Variants in SIGLEC1 observed in about 807,000 individuals in gnomAD.
SIGLEC1 encodes the protein sialoadhesin.
Under a neutral mutation model 148.0 loss-of-function variants are expected in SIGLEC1, and 132 were observed. The ratio of observed to expected loss-of-function variants is 0.89; its 90% CI spans 0.77 to 1.03. SIGLEC1 has a LOEUF of 1.03. Ranked by LOEUF, SIGLEC1 falls within the 50% of genes least tolerant of loss-of-function variation. SIGLEC1 has a pLI of 0.00. For synonymous variants in SIGLEC1, 945 were observed against 969.0 expected, an observed-to-expected ratio of 0.98 and a Z score of 0.46; for missense variants, 2,253 against 2,271.4, an observed-to-expected ratio of 0.99 and a Z score of 0.16.
rs558364870 is a variant in SIGLEC1, at chr20:3,698,068, G to T, written c.1852C>A (p.Arg618=). 1.3e-5 allele frequency: 21 copies of T among 1,607,106 alleles called. No individual in the cohort carries two copies. The highest frequency in any genetic ancestry group is 1.8e-5 in the Non-Finnish European group (21 of 1,177,846). ...DLDAAGAGAG[R]RGLLLCRVDS... Reference sequence around the variant, plus strand: ...ACACGGCACAAAAGGAGGCCTCGCCGTCCAGCCCCGGCCCCAGCGGCATCA... The same window carrying T: ...ACACGGCACAAAAGGAGGCCTCGCCTTCCAGCCCCGGCCCCAGCGGCATCA... The change falls in exon 9 of 22, where the codon CGG becomes AGG. Residue 618 remains arginine, a synonymous_variant. Coordinates refer to ENST00000344754, the MANE Select transcript of SIGLEC1 (RefSeq NM_023068.4).
At chr20:3,693,732 G>A in intron 13 of SIGLEC1, 34 bp from the exon 14 acceptor site, 1 of 1,541,746 alleles carries the variant, frequency 6.5e-7, no homozygotes, top group Non-Finnish European at 8.8e-7. Context: ...CACCAGTGAG[G>A]GTCTTGAGGC....
At position 3,693,576 on chromosome 20, in the gene SIGLEC1, G is replaced by A. The variant is rs1158087699; in HGVS notation, c.3379C>T (p.Gln1127Ter). Residue 1127 changes from glutamine (Q) to a stop codon, truncating the protein, a stop_gained, in exon 14 of 22, where the codon CAG becomes TAG. Coordinates refer to ENST00000344754, the MANE Select transcript of SIGLEC1 (RefSeq NM_023068.4). LOFTEE classifies it high-confidence loss of function. ...GGGATGGAGTGGGCATCCAGGCGCTGCTGCCCATCCTGGTACCATGTGTAG... is the reference window on the plus strand; with the variant it reads ...GGGATGGAGTGGGCATCCAGGCGCTACTGCCCATCCTGGTACCATGTGTAG... ...LTYTWYQDGQ[Q>*]RLDAHSIPLP... 3.7e-6 allele frequency: 6 copies of A among 1,612,712 alleles called. No individual in the cohort carries two copies. The highest frequency in any genetic ancestry group is 5.1e-6 in the Non-Finnish European group (6 of 1,179,590).
Position 3,710,803 on chromosome 20 carries a change from C to T in SIGLEC1, c.-110+1667G>A, listed in dbSNP as rs1252903496. Reference sequence around the variant, plus strand: ...GGGGAGGACCCTTTCCAGGACCACTCCCATCACATAATGTAGAGGCCACCT... The same window carrying T: ...GGGGAGGACCCTTTCCAGGACCACTTCCATCACATAATGTAGAGGCCACCT... On this transcript the variant is annotated intron_variant, in intron 1 of 21. Transcript: ENST00000344754. This position sits in a 1 kb window ranked among gnomAD's most constrained non-coding sequence, Gnocchi z 4.6. Among the ~76,000 whole-genome samples the T allele has an allele frequency of 6.6e-6, 1 of 152,242 alleles. No individual in the cohort carries two copies. The highest frequency in any genetic ancestry group is 1.5e-5 in the Non-Finnish European group (1 of 68,056).
chr20:3,697,046 AC>A (rs1254305185), intron 10 of SIGLEC1, 38 bp downstream of exon 10: 1 of 1,403,982 alleles, frequency 7.1e-7, no homozygotes, highest in East Asian at 2.7e-5. Context: ...CCACCCCTCC[AC>A]CCTCCAAGTC....
In SIGLEC1 at chr20:3,711,101, C is replaced by T. The variant is rs925933618; in HGVS notation, c.-110+1369G>A. On this transcript the variant is annotated intron_variant, in intron 1 of 21. Coordinates refer to ENST00000344754, the MANE Select transcript of SIGLEC1 (RefSeq NM_023068.4). ...GTGGTCGAGGGGGAATTGCGGGTCC[C>T]GGGAAAGGGGGCGGTGTGCCAGCAA... 5.3e-5 allele frequency among the ~76,000 whole-genome samples: 8 copies of T among 152,284 alleles called. No homozygotes were observed. In the South Asian group the frequency reaches 6.2e-4, roughly 12 times the overall value.
chr20:3,690,310 A>T (rs2088745700), intron 18 of SIGLEC1, 46 bp from the exon 19 acceptor site: 4 of 1,466,062 alleles, frequency 2.7e-6, no homozygotes, highest in African/African-American at 2.8e-5. Flanking sequence ...ATGACCACAA[A>T]TTTCTCCCTC....
chr20:3,688,426 A>G lies in SIGLEC1; in HGVS notation c.*134T>C. On this transcript the variant is annotated 3_prime_UTR_variant, in exon 22 of 22. Transcript: ENST00000344754. ...GGGGCAAGAGGCTTGGGGCCAGGTC[A>G]TAAAAAGTCAGATGTCACAGAGCTG... The G allele has an allele frequency of 2.5e-6, 2 of 806,506 alleles. No homozygotes were observed. Among genetic ancestry groups the G allele is most frequent in the Non-Finnish European group, 4.2e-6 (2 of 478,038 alleles). 50.0% of individuals were successfully genotyped at this position (806,506 alleles called of 1,614,324 possible).
chr20:3,708,304 T>C (rs1054056892), intron 1 of SIGLEC1, among the ~76,000 whole-genome samples: 11 of 152,104 alleles, frequency 7.2e-5, no homozygotes, highest in Admixed American at 5.2e-4. Context: ...AGGGGTACCA[T>C]AGACCTGAGC....
rs765133286 is a variant in SIGLEC1 at position 3,694,774 on chromosome 20, G to T, written c.2833C>A (p.Leu945Ile). The T allele has an allele frequency of 6.2e-7, 1 of 1,613,558 alleles. No individual in the cohort carries two copies. Among genetic ancestry groups the T allele is most frequent in the Non-Finnish European group, 8.5e-7 (1 of 1,180,048 alleles). ...QPLQESTSAT[L>I]RFAAITLTQA... ...GTCAAAGTTATGGCTGCAAAGCGGA[G>T]CGTGGCCGAGGTCGACTCCTGGAGG... The change falls in exon 12 of 22, where the codon CTC becomes ATC. Residue 945 changes from leucine to isoleucine, a missense_variant. Leu to Ile is a conservative substitution (Grantham distance 5). Transcript: ENST00000344754.
At chr20:3,700,635 G>C (rs566627375) in intron 7 of SIGLEC1, among the ~76,000 whole-genome samples, 1 of 151,794 alleles carries the variant, frequency 6.6e-6, no homozygotes, top group Non-Finnish European at 1.5e-5. Context: ...ATGCCCTCAG[G>C]AGGAGGGAAG....
chr20:3,707,168 T>G lies in SIGLEC1; in HGVS notation c.-40A>C. ...CTGCTCCTGTTGCCTAAGAGGGTGG[T>G]GCGCACTGCGCTGGCTGGGCTCACA... On this transcript the variant is annotated 5_prime_UTR_variant, in exon 2 of 22. Coordinates refer to ENST00000344754, the MANE Select transcript of SIGLEC1 (RefSeq NM_023068.4). 6.2e-7 allele frequency: 1 copy of G among 1,601,690 alleles called. No individual in the cohort carries two copies. The highest frequency in any genetic ancestry group is 8.6e-7 in the Non-Finnish European group (1 of 1,169,330).
At position 3,690,081 on chromosome 20, in the gene SIGLEC1, G is replaced by A. The variant is rs750749568; in HGVS notation, c.4775C>T (p.Ser1592Phe). The A allele has an allele frequency of 1.9e-5, 30 of 1,611,646 alleles. No homozygotes were observed. In the African/African-American group the frequency reaches 2.7e-4, roughly 14 times the overall value. ...GATGTCCACCCTCAGGGCATTGGGGGAAGCCAGGACATGGATGTGTGGCTC... is the reference window on the plus strand; with the variant it reads ...GATGTCCACCCTCAGGGCATTGGGGAAAGCCAGGACATGGATGTGTGGCTC... ...PAEPHIHVLA[S>F]PNALRVDIEA... is the part of the protein sequence containing the mutation. Residue 1592 changes from serine (S) to phenylalanine (F), a missense_variant, in exon 19 of 22, where the codon TCC (serine) becomes TTC (phenylalanine). Physicochemically the swap from Ser to Phe is radical, Grantham distance 155 (BLOSUM62 -2). Transcript: ENST00000344754.
At chr20:3,700,934 C>T (rs546990174) in intron 7 of SIGLEC1, among the ~76,000 whole-genome samples, 77 of 151,850 alleles carry the variant, frequency 5.1e-4, no homozygotes, top group Middle Eastern at 3.4e-3. Flanking sequence ...CTCTTGACCT[C>T]GTGATCCACC....
chr20:3,708,014 A>C (rs1386470190), intron 1 of SIGLEC1, among the ~76,000 whole-genome samples: 1 of 152,224 alleles, frequency 6.6e-6, no homozygotes, highest in East Asian at 1.9e-4. Flanking sequence ...CCCATTTCTC[A>C]GGACCTAGAA....
At position 3,692,592 on chromosome 20, in the gene SIGLEC1, C is replaced by T. The variant is rs775090447; in HGVS notation, c.3959G>A (p.Gly1320Asp). 1.3e-5 allele frequency: 21 copies of T among 1,612,160 alleles called. No homozygotes were observed. Among genetic ancestry groups the T allele is most frequent in the Non-Finnish European group, 1.6e-5 (19 of 1,179,974 alleles). Residue 1320 changes from glycine to aspartate, a missense_variant, in exon 16 of 22, where the codon GGC (glycine) becomes GAC (aspartate). Physicochemically the swap from Gly to Asp is moderately conservative, Grantham distance 94. Transcript: ENST00000344754. ...SFLVATRAHA[G>D]AYSCQAQDAQ... ...ATCCTGGGCCTGGCAAGAGTAGGCG[C>T]CTGCATGAGCCCGCGTGGCCACCAG...
In SIGLEC1 at chr20:3,688,430, A is replaced by G; in HGVS notation, c.*130T>C. ...CAAGAGGCTTGGGGCCAGGTCATAAAAAGTCAGATGTCACAGAGCTGTTTT... is the reference window on the plus strand; with the variant it reads ...CAAGAGGCTTGGGGCCAGGTCATAAGAAGTCAGATGTCACAGAGCTGTTTT... On this transcript the variant is annotated 3_prime_UTR_variant, in exon 22 of 22. Transcript: ENST00000344754. 1.2e-6 allele frequency: 1 copy of G among 828,586 alleles called. No individual in the cohort carries two copies. Among genetic ancestry groups the G allele is most frequent in the Non-Finnish European group, 2.0e-6 (1 of 496,708 alleles). 51.3% of individuals were successfully genotyped at this position (828,586 alleles called of 1,614,324 possible). A position where few individuals can be genotyped will look rare whatever the true frequency, so the allele number is the denominator to read the frequency against.
chr20:3,691,050 T>G (rs765700303), intron 18 of SIGLEC1, among the ~76,000 whole-genome samples: 2 of 152,088 alleles, frequency 1.3e-5, no homozygotes, highest in Non-Finnish European at 2.9e-5. Context: ...AGGCTAGTCT[T>G]GAACTCCTGA....
chr20:3,689,771 C>T (rs2088737112), intron 19 of SIGLEC1, 69 bp from the exon 20 acceptor site: 1 of 1,400,480 alleles, frequency 7.1e-7, no homozygotes, highest in African/African-American at 1.4e-5. Flanking sequence ...CAAGGGGACC[C>T]ACCCAAGATG....
chr20:3,704,734 A>AG (rs2087879981), intron 4 of SIGLEC1, among the ~76,000 whole-genome samples: 1 of 152,162 alleles, frequency 6.6e-6, no homozygotes, highest in Non-Finnish European at 1.5e-5. Context: ...CTCCTGCCTC[A>AG]GCCTCCCGAG....
Sources: allele counts gnomAD v4.1 joint callset (sites outside exome capture counted in the v4.1 genomes callset), GRCh38; gene constraint gnomAD v4.1.1; non-coding constraint Gnocchi (gnomAD v3.1); transcripts MANE v1.5; gene names NCBI Gene and HGNC (gene_info 2026-07-23, HGNC 2026-07-21).